The following NECTIN3 variants were observed in gnomAD, a reference collection of about 807,000 sequenced individuals.
The protein encoded by NECTIN3 is nectin cell adhesion molecule 3.
Under a neutral mutation model 49.4 loss-of-function variants are expected in NECTIN3, and 8 were observed. The ratio of observed to expected loss-of-function variants is 0.16; its 90% CI spans 0.10 to 0.29. The LOEUF (loss-of-function observed/expected upper bound fraction) is 0.29, where lower values mean the gene tolerates loss of function less well. NECTIN3 is among the 10% of genes least tolerant of loss of function. NECTIN3 has a pLI of 1.00. For synonymous variants in NECTIN3, 277 were observed against 241.1 expected (o/e 1.15, Z -1.38); for missense variants, 581 against 654.6 (o/e 0.89, Z 1.23).
intron 3 of NECTIN3, 94 bp downstream of exon 3, chr3:111,119,046 T>C (rs2033830575): frequency 1.7e-6 from 2 of 1,143,648 alleles, no homozygotes; most frequent in Non-Finnish European, 2.4e-6. Context: ...TCCTTGTTTT[T>C]GTTTTTCTTT....
chr3:111,168,519 G>C (rs929910387), intron 7 of NECTIN3, among the ~76,000 whole-genome samples: 2 of 151,930 alleles, frequency 1.3e-5, no homozygotes, highest in African/African-American at 4.8e-5. Flanking sequence ...TATCCTATTA[G>C]AATACAGTAG....
Position 111,112,235 on chromosome 3 carries a change from G to T in NECTIN3, c.366G>T (p.Leu122Phe). Reference protein sequence around the residue: ...SVQGEYQGRVLFKNYSLNDAT... With the variant: ...SVQGEYQGRVFFKNYSLNDAT... ...AAGGAGAATATCAGGGAAGAGTCTT[G>T]TTTAAAAATTACTCACTTAATGATG... The change falls in exon 2 of 6, where the codon TTG becomes TTT. Residue 122 changes from leucine to phenylalanine, a missense_variant. Physicochemically the swap from Leu to Phe is conservative, Grantham distance 22. This residue lies in a region of NECTIN3 where 234 missense variants were observed against 340.6 expected (regional missense o/e 0.69). Transcript: ENST00000485303. 6.2e-7 allele frequency: 1 copy of T among 1,613,772 alleles called. No homozygotes were observed. The highest frequency in any genetic ancestry group is 8.5e-7 in the Non-Finnish European group (1 of 1,179,796).
chr3:111,090,568 T>TTG (rs10596117), intron 1 of NECTIN3, among the ~76,000 whole-genome samples: 2,218 of 148,544 alleles, frequency 0.015, 62 homozygotes, highest in African/African-American at 0.052. Flanking sequence ...GTTTGCTTGT[T>TTG]TGTGTGTGTG....
chr3:111,135,907 C>T lies in NECTIN3; in HGVS notation c.*1692C>T. ...AATACTTATTATAAGGCTGTAGTAT[C>T]AGGTTAAGGATACAGATAAATAAAG... On this transcript the variant is annotated 3_prime_UTR_variant, in exon 6 of 6. Coordinates refer to ENST00000485303, the MANE Select transcript of NECTIN3 (RefSeq NM_015480.3). The T allele has an allele frequency of 1.2e-6, 1 of 822,954 alleles. No homozygotes were observed. The allele number at this position is 822,954 out of a possible 1,614,324, so 51.0% of individuals were successfully genotyped here. A position where few individuals can be genotyped will look rare whatever the true frequency, so the allele number is the denominator to read the frequency against.
At chr3:111,149,601 C>A (rs549023677) in intron 7 of NECTIN3, among the ~76,000 whole-genome samples, 3 of 151,768 alleles carry the variant, frequency 2.0e-5, no homozygotes, top group Admixed American at 2.0e-4. Flanking sequence ...ACCCTCCTCC[C>A]ATGGACTTTT....
chr3:111,185,834 T>C (rs2035710010), intron 7 of NECTIN3, among the ~76,000 whole-genome samples: 1 of 152,108 alleles, frequency 6.6e-6, no homozygotes. Context: ...AAAGAGACAA[T>C]TCCCTGGTCA....
chr3:111,192,458 C>T, intron 1 of NECTIN3: 1 of 1,452,578 alleles, frequency 6.9e-7, no homozygotes, highest in Non-Finnish European at 9.3e-7. Flanking sequence ...GAGCTGGTAG[C>T]TAACGTGCTT....
intron 1 of NECTIN3, among the ~76,000 whole-genome samples, chr3:111,093,212 C>T (rs1326283249): frequency 6.6e-6 from 1 of 152,082 alleles, no homozygotes; most frequent in Non-Finnish European, 1.5e-5. Flanking sequence ...TTTCAGTCCC[C>T]TCTCCCAAGA....
upstream of NECTIN3, among the ~76,000 whole-genome samples, chr3:111,191,534 A>T (rs1398285750): frequency 3.9e-5 from 6 of 152,154 alleles, no homozygotes; most frequent in South Asian, 1.0e-3. Context: ...AGCCGAGGAA[A>T]ACTGAAAAAA....
At chr3:111,125,226 T>C (rs1378400558) in intron 4 of NECTIN3, among the ~76,000 whole-genome samples, 1 of 151,610 alleles carries the variant, frequency 6.6e-6, no homozygotes, top group East Asian at 1.9e-4. Context: ...ACAGGGTTTC[T>C]CCATGGTGGC....
chr3:111,102,660 C>T (rs2032971259), intron 1 of NECTIN3, among the ~76,000 whole-genome samples: 1 of 152,166 alleles, frequency 6.6e-6, no homozygotes, highest in South Asian at 2.1e-4. Flanking sequence ...TGAAGCCTAG[C>T]TTATCAAGAG....
chr3:111,072,070 A>G lies in NECTIN3; in HGVS notation c.53A>G (p.Gln18Arg). Residue 18 changes from glutamine (Q) to arginine (R), a missense_variant, in exon 1 of 6, where the codon CAA becomes CGA. Transcript: ENST00000485303. ...CTGTGTCCTGGAGGCGGCAAAGCAC[A>G]ACTTTCCTCCGCTTCTCTCCTCGGA... is the stretch of plus-strand genomic sequence containing the variant. ...SPLCPGGGKAQLSSASLLGAG... is the reference protein window; with the variant it reads ...SPLCPGGGKARLSSASLLGAG... 6.5e-7 allele frequency: 1 copy of G among 1,548,942 alleles called. No homozygotes were observed. The highest frequency in any genetic ancestry group is 8.7e-7 in the Non-Finnish European group (1 of 1,145,952).
At chr3:111,115,972 A>C (rs1007145626) in intron 2 of NECTIN3, among the ~76,000 whole-genome samples, 33 of 152,156 alleles carry the variant, frequency 2.2e-4, no homozygotes, top group African/African-American at 7.2e-4. Flanking sequence ...AGGATAAAAT[A>C]ATTTTGGTGT....
In NECTIN3 at chr3:111,118,758, C is replaced by G; in HGVS notation, c.605C>G (p.Ala202Gly). The change falls in exon 3 of 6, where the codon GCA becomes GGA. Residue 202 changes from alanine to glycine, a missense_variant. Physicochemically the swap from Ala to Gly is moderately conservative, Grantham distance 60. This residue lies in a region of NECTIN3 where 234 missense variants were observed against 340.6 expected (regional missense o/e 0.69). Coordinates refer to ENST00000485303, the MANE Select transcript of NECTIN3 (RefSeq NM_015480.3). ...ATCGCAGCCACTGGAAAACCCGTTG[C>G]ACATATTGACTGGGAAGGTGATCTT... is the stretch of plus-strand genomic sequence containing the variant. ...ICIAATGKPV[A>G]HIDWEGDLGE... 1 of 1,614,098 alleles carries G rather than the reference C, an allele frequency of 6.2e-7. No individual in the cohort carries two copies. Among genetic ancestry groups the G allele is most frequent in the African/African-American group, 1.3e-5 (1 of 75,016 alleles).
chr3:111,117,732 T>A (rs2033749467), intron 2 of NECTIN3, among the ~76,000 whole-genome samples: 1 of 151,570 alleles, frequency 6.6e-6, no homozygotes, highest in African/African-American at 2.4e-5. Flanking sequence ...AAAAACTCAA[T>A]GCACAGAGTA....
At chr3:111,138,478 T>C (rs1178174934), downstream of NECTIN3, among the ~76,000 whole-genome samples, 1 of 151,638 alleles carries the variant, frequency 6.6e-6, no homozygotes, top group African/African-American at 2.4e-5. Context: ...AAAGTACATA[T>C]ATACTTTGAC....
intron 3 of NECTIN3, among the ~76,000 whole-genome samples, chr3:111,121,810 A>G (rs1232044379): frequency 6.6e-6 from 1 of 152,206 alleles, no homozygotes; most frequent in Non-Finnish European, 1.5e-5. Context: ...TACATCTCGC[A>G]TAATAGGATT....
At chr3:111,137,607 G>T (rs1253943692), downstream of NECTIN3, 12 of 593,676 alleles carry the variant, frequency 2.0e-5, no homozygotes, top group Non-Finnish European at 2.5e-5. Flanking sequence ...CTTTGTCCTC[G>T]TATTTACTAA....
intron 1 of NECTIN3, among the ~76,000 whole-genome samples, chr3:111,085,329 A>C (rs114027587): frequency 2.4e-3 from 363 of 152,338 alleles, no homozygotes; most frequent in African/African-American, 8.3e-3. Flanking sequence ...GGCTTGATTA[A>C]AGTCAAAGTG....
Sources: allele counts gnomAD v4.1 joint callset (sites outside exome capture counted in the v4.1 genomes callset), GRCh38; gene constraint gnomAD v4.1.1; regional missense constraint gnomAD v4.1.1; transcripts MANE v1.5; gene names NCBI Gene and HGNC (gene_info 2026-07-23, HGNC 2026-07-21).